The following LPP variants were observed in gnomAD, a reference collection of about 807,000 sequenced individuals.
LPP encodes the protein lipoma-preferred partner.
In LPP, 38 loss-of-function variants were observed where a neutral mutation model predicts 60.4. That is an observed-to-expected ratio of 0.63 (90% CI 0.49 to 0.83). The LOEUF is 0.83. Ranked by LOEUF, LPP falls within the 40% of genes least tolerant of loss-of-function variation. The pLI, the probability that LPP is intolerant of heterozygous loss-of-function variation, is 0.00. For missense variants in LPP, 902 were observed against 783.6 expected (o/e 1.15, Z -1.80); for synonymous variants, 328 against 290.8 (o/e 1.13, Z -1.30).
chr3:188,396,125 G>T (rs1045270273), intron 3 of LPP, among the ~76,000 whole-genome samples: 2 of 152,118 alleles, frequency 1.3e-5, no homozygotes, highest in African/African-American at 4.8e-5. Flanking sequence ...ACTCTTAGCA[G>T]ATTATGTGGC....
At chr3:188,203,597 A>G (rs530481852) in intron 1 of LPP, among the ~76,000 whole-genome samples, 21 of 112,214 alleles carry the variant, frequency 1.9e-4, no homozygotes, top group African/African-American at 7.0e-4. Context: ...ATATTTAAAT[A>G]TATATAAATA....
chr3:188,671,783 C>T (rs1048482262), intron 7 of LPP, among the ~76,000 whole-genome samples: 4 of 152,096 alleles, frequency 2.6e-5, no homozygotes, highest in African/African-American at 9.7e-5. Context: ...ATACTAGGCA[C>T]CCACCCTCAG....
At chr3:188,180,900 A>G (rs934714458) in intron 1 of LPP, 3 of 152,162 alleles carry the variant, frequency 2.0e-5, no homozygotes, top group African/African-American at 7.2e-5. Flanking sequence ...ACTGTGACGA[A>G]CATCCTTCTT....
At chr3:188,479,142 T>C (rs1208639207) in intron 4 of LPP, among the ~76,000 whole-genome samples, 4 of 152,338 alleles carry the variant, frequency 2.6e-5, no homozygotes, top group African/African-American at 9.6e-5. Flanking sequence ...CTTGTGTGTG[T>C]GCGTGTGTGT....
chr3:188,375,018 T>C (rs1248864299), intron 3 of LPP, among the ~76,000 whole-genome samples: 2 of 152,210 alleles, frequency 1.3e-5, no homozygotes, highest in Non-Finnish European at 2.9e-5. Flanking sequence ...TTTATTGATT[T>C]GTGTATGTTG....
intron 9 of LPP, among the ~76,000 whole-genome samples, chr3:188,834,179 TCTC>T (rs1380012664): frequency 6.6e-6 from 1 of 152,118 alleles, no homozygotes; most frequent in Non-Finnish European, 1.5e-5. Flanking sequence ...CACACTCTAT[TCTC>T]CTGCCAGCAT....
At chr3:188,819,127 C>A (rs548469020) in intron 9 of LPP, among the ~76,000 whole-genome samples, 3 of 151,122 alleles carry the variant, frequency 2.0e-5, no homozygotes, top group African/African-American at 7.3e-5. Context: ...TTAGTCAGGT[C>A]TTAAAATGCT....
intron 9 of LPP, among the ~76,000 whole-genome samples, chr3:188,830,939 G>T (rs926518801): frequency 6.6e-6 from 1 of 152,160 alleles, no homozygotes; most frequent in Non-Finnish European, 1.5e-5. Context: ...TATTGAAATT[G>T]CATAGAGTTT....
intron 2 of LPP, among the ~76,000 whole-genome samples, chr3:188,270,608 A>ACAGGAG (rs757022731): frequency 1.3e-4 from 20 of 152,220 alleles, no homozygotes; most frequent in Non-Finnish European, 2.6e-4. Flanking sequence ...GAAAAGAGGA[A>ACAGGAG]CAGGAGCAGG....
intron 4 of LPP, among the ~76,000 whole-genome samples, chr3:188,438,382 C>A (rs976035579): frequency 7.9e-5 from 12 of 151,774 alleles, no homozygotes; most frequent in Non-Finnish European, 2.9e-5. Context: ...CACACACACA[C>A]ACACACACAC....
intron 9 of LPP, among the ~76,000 whole-genome samples, chr3:188,792,962 C>T (rs1025215404): frequency 6.6e-6 from 1 of 152,074 alleles, no homozygotes; most frequent in Non-Finnish European, 1.5e-5. Context: ...AATCTTGAAG[C>T]TTCCGCAGAG....
At chr3:188,576,231 ATTTCC>A (rs1834587433) in intron 6 of LPP, among the ~76,000 whole-genome samples, 1 of 152,136 alleles carries the variant, frequency 6.6e-6, no homozygotes, top group Admixed American at 6.6e-5. Context: ...CAATTGGTGC[ATTTCC>A]TTTAAGTACA....
intron 7 of LPP, among the ~76,000 whole-genome samples, chr3:188,657,200 G>A (rs755798108): frequency 7.3e-6 from 1 of 136,920 alleles, no homozygotes; most frequent in Non-Finnish European, 1.5e-5. Flanking sequence ...TTCCCCTCGA[G>A]CATGCACATT....
chr3:188,186,985 A>G (rs906917873), intron 1 of LPP, among the ~76,000 whole-genome samples: 5 of 152,276 alleles, frequency 3.3e-5, no homozygotes, highest in African/African-American at 7.2e-5. Flanking sequence ...GTCTTTTGCT[A>G]TATGAACTTT....
At chr3:188,358,638 A>G (rs1768297593) in intron 3 of LPP, among the ~76,000 whole-genome samples, 1 of 152,188 alleles carries the variant, frequency 6.6e-6, no homozygotes, top group African/African-American at 2.4e-5. Context: ...ATGCCAGTCT[A>G]ATGCTGTTGA....
chr3:188,248,520 G>T (rs1727940864), intron 2 of LPP, among the ~76,000 whole-genome samples: 2 of 113,960 alleles, frequency 1.8e-5, no homozygotes, highest in Admixed American at 1.8e-4. Flanking sequence ...GCTTGTTTTG[G>T]AATCAGAGGG....
chr3:188,858,517 A>T (rs1764363170), intron 9 of LPP, among the ~76,000 whole-genome samples: 1 of 152,230 alleles, frequency 6.6e-6, no homozygotes, highest in Non-Finnish European at 1.5e-5. Flanking sequence ...TAAAGCTCAG[A>T]TCACAATCCT....
chr3:188,660,861 G>A (rs1302632572), intron 7 of LPP, among the ~76,000 whole-genome samples: 1 of 152,102 alleles, frequency 6.6e-6, no homozygotes, highest in Non-Finnish European at 1.5e-5. Flanking sequence ...GTCACCCAAA[G>A]TCCATAGTTT....
chr3:188,182,196 C>T lies in LPP; in HGVS notation c.-190+27944C>T, dbSNP rs983462734. Among the ~76,000 whole-genome samples the T allele has an allele frequency of 1.3e-5, 2 of 152,180 alleles. No individual in the cohort carries two copies. Among genetic ancestry groups the T allele is most frequent in the South Asian group, 2.1e-4 (1 of 4,832 alleles). On this transcript the variant is annotated intron_variant, in intron 1 of 11. Transcript: ENST00000617246. The surrounding 1 kb of genome is among the most constrained non-coding windows in gnomAD (Gnocchi z 4.4). ...GCCTTAGGCTGCAAGTTTATCCCTT[C>T]ACAATGCCTACATTTAGATTGCAAC...
Sources: gnomAD v4.1 joint callset for allele counts (sites outside exome capture counted in the v4.1 genomes callset) on GRCh38, gnomAD v4.1.1 for gene constraint, Gnocchi (gnomAD v3.1) non-coding constraint, MANE v1.5 for transcripts, NCBI Gene and HGNC (gene_info 2026-07-23, HGNC 2026-07-21) for gene names.